The following CA5A variants were observed in gnomAD, a reference collection of about 807,000 sequenced individuals.
CA5A encodes carbonic anhydrase 5A.
Under a neutral mutation model 37.1 loss-of-function variants are expected in CA5A, and 28 were observed. The observed-to-expected ratio is 0.75, with a 90% CI of 0.56 to 1.03. CA5A has a LOEUF of 1.03. Ranked by LOEUF, CA5A falls within the 50% of genes least tolerant of loss-of-function variation. The probability of loss-of-function intolerance (pLI) is 0.00; values close to 1 mark genes in which losing one functional copy is unlikely to be tolerated. For missense variants in CA5A, 444 were observed against 399.9 expected (o/e 1.11, Z -0.94); for synonymous variants, 171 against 158.4 (o/e 1.08, Z -0.60).
intron 5 of CA5A, among the ~76,000 whole-genome samples, chr16:87,894,772 G>C (rs916023726): frequency 6.6e-6 from 1 of 152,036 alleles, no homozygotes; most frequent in Admixed American, 6.6e-5. Context: ...GCAGCTGCTC[G>C]GGAGACTGAG....
At chr16:87,900,704 T>C (rs1450997156) in intron 5 of CA5A, among the ~76,000 whole-genome samples, 1 of 152,254 alleles carries the variant, frequency 6.6e-6, no homozygotes, top group African/African-American at 2.4e-5. Flanking sequence ...TATGGATCGC[T>C]GGGCGGAGAG....
chr16:87,881,607 G>A (rs2055608277), exon 5 of CA5A: 1 of 152,208 alleles, frequency 6.6e-6, no homozygotes, highest in Non-Finnish European at 1.5e-5. Flanking sequence ...AAGGGAGGAA[G>A]CCTTGAACCT....
At chr16:87,914,771 G>A (rs1255200069) in intron 2 of CA5A, among the ~76,000 whole-genome samples, 2 of 152,176 alleles carry the variant, frequency 1.3e-5, no homozygotes, top group Non-Finnish European at 2.9e-5. Flanking sequence ...TGGCGGCTGG[G>A]CTTGGGAGGG....
intron 1 of CA5A, among the ~76,000 whole-genome samples, chr16:87,929,611 G>A (rs1307830763): frequency 2.0e-5 from 3 of 151,976 alleles, no homozygotes; most frequent in African/African-American, 4.8e-5. Context: ...AGTTGCTCAC[G>A]CCTATAATCC....
At chr16:87,896,001 G>C (rs905585221) in intron 5 of CA5A, among the ~76,000 whole-genome samples, 1 of 152,188 alleles carries the variant, frequency 6.6e-6, no homozygotes, top group African/African-American at 2.4e-5. Context: ...TGGGTAACAG[G>C]CGGGTGTGCA....
intron 5 of CA5A, among the ~76,000 whole-genome samples, chr16:87,896,730 G>C (rs556251606): frequency 6.6e-6 from 1 of 152,120 alleles, no homozygotes; most frequent in South Asian, 2.1e-4. Context: ...AACCTCCACC[G>C]CCCAGGTTCA....
rs770364743 is a variant in CA5A, at chr16:87,888,252, G to T, written c.795C>A (p.Leu265=). The T allele has an allele frequency of 5.0e-6, 8 of 1,613,614 alleles. No homozygotes were observed. In the South Asian group the frequency reaches 5.5e-5, roughly 11 times the overall value. Residue 265 remains leucine, a synonymous_variant, in exon 7 of 7, where the codon CTC becomes CTA. Transcript: ENST00000649794. The stretch of plus-strand genomic sequence containing the variant: ...CCTCTTCACCAAGTGCAGAAAACAG[G>T]AGAGTACGAAATGCAGAGAGCTGGA... ...APSQLSAFRT[L]LFSALGEEEK...
At chr16:87,920,103 G>A (rs373041425) in intron 2 of CA5A, among the ~76,000 whole-genome samples, 46 of 152,268 alleles carry the variant, frequency 3.0e-4, no homozygotes, top group African/African-American at 1.0e-3. Context: ...GCTGAGTCAC[G>A]AAGCATGGAC....
chr16:87,931,798 T>A, intron 1 of CA5A, among the ~76,000 whole-genome samples: 1 of 152,244 alleles, frequency 6.6e-6, no homozygotes, highest in East Asian at 1.9e-4. Context: ...GCAGATGCGT[T>A]CTGTTCTCTC....
downstream of CA5A, chr16:87,887,957 C>G: frequency 1.0e-6 from 1 of 957,406 alleles, no homozygotes; most frequent in African/African-American, 1.6e-5. Context: ...ATGTTCCCCA[C>G]GGTACTTACA....
intron 1 of CA5A, among the ~76,000 whole-genome samples, chr16:87,933,140 GA>G (rs964408551): frequency 1.1e-4 from 16 of 152,248 alleles, no homozygotes; most frequent in Non-Finnish European, 2.2e-4. Context: ...ACCTGAGCAG[GA>G]AATAGCCAGT....
Position 87,891,811 on chromosome 16 carries a change from C to T in CA5A, c.762G>A (p.Val254=). 6.5e-7 allele frequency: 1 copy of T among 1,532,464 alleles called. No individual in the cohort carries two copies. Among genetic ancestry groups the T allele is most frequent in the Non-Finnish European group, 8.7e-7 (1 of 1,143,228 alleles). 94.9% of individuals were successfully genotyped at this position (1,532,464 alleles called of 1,614,324 possible). A position where few individuals can be genotyped will look rare whatever the true frequency, so the allele number is the denominator to read the frequency against. The change falls in exon 6 of 7, where the codon GTG becomes GTA. Residue 254 remains valine (V), a synonymous_variant. Transcript: ENST00000649794. ...GGGCACGGCTCACCTGGCTTGGGGC[C>T]ACTTCAACGGGCTCCTTCTGGATGA... ...TWIIQKEPVE[V]APSQLSAFRT... is the part of the protein sequence containing the mutation.
chr16:87,888,435 A>G (rs1211367622), intron 6 of CA5A, among the ~76,000 whole-genome samples, 163 bp from the exon 7 acceptor site: 2 of 152,088 alleles, frequency 1.3e-5, no homozygotes, highest in African/African-American at 4.8e-5. Context: ...GCCAGATTAT[A>G]AAAGGCATTG....
intron 5 of CA5A, among the ~76,000 whole-genome samples, chr16:87,898,548 C>T (rs998652015): frequency 6.6e-6 from 1 of 152,170 alleles, no homozygotes; most frequent in African/African-American, 2.4e-5. Context: ...CGATTTTAAC[C>T]TTAGTGATTG....
At chr16:87,901,841 C>T (rs1390432180) in intron 5 of CA5A, 71 bp downstream of exon 5, 3 of 1,323,954 alleles carry the variant, frequency 2.3e-6, no homozygotes, top group Non-Finnish European at 3.2e-6. Context: ...CCTGCCTCAG[C>T]CTCCCAAAGT....
chr16:87,881,565 T>C (rs2055608013), exon 5 of CA5A: 1 of 152,434 alleles, frequency 6.6e-6, no homozygotes, highest in Non-Finnish European at 1.5e-5. Context: ...CACAGGCGTA[T>C]CTTTATTAAA....
At chr16:87,891,647 G>T (rs1247399339) in intron 6 of CA5A, 152 bp downstream of exon 6, 6 of 700,942 alleles carry the variant, frequency 8.6e-6, no homozygotes, top group Non-Finnish European at 1.3e-5. Context: ...TCCTACTTCA[G>T]TTGGAATTTT....
chr16:87,889,566 G>T (rs2055684635), intron 6 of CA5A, among the ~76,000 whole-genome samples: 1 of 151,876 alleles, frequency 6.6e-6, no homozygotes, highest in African/African-American at 2.4e-5. Context: ...CTGAGGTCAG[G>T]AGTTTGAGAC....
At position 87,932,202 on chromosome 16, in the gene CA5A, C is replaced by A. The variant is rs74421898; in HGVS notation, c.142+4107G>T. On this transcript the variant is annotated intron_variant, in intron 1 of 6. Transcript: ENST00000649794. ...TGAGTGCACTCTACCCCCCCTCCCA[C>A]GGCCGCTGCCTCCAGTCCTACCTGC... is the stretch of plus-strand genomic sequence containing the variant. Among the ~76,000 whole-genome samples, 1,397 of 152,274 alleles carry A rather than the reference C, an allele frequency of 9.2e-3. 22 individuals are homozygous for A. The highest frequency in any genetic ancestry group is 0.032 in the African/African-American group (1,313 of 41,534).
Sources: gnomAD v4.1 joint callset for allele counts (sites outside exome capture counted in the v4.1 genomes callset) on GRCh38, gnomAD v4.1.1 for gene constraint, MANE v1.5 for transcripts, NCBI Gene and HGNC (gene_info 2026-07-23, HGNC 2026-07-21) for gene names.